Variants in CCT6B observed in about 807,000 individuals in gnomAD.
CCT6B encodes probable T-complex protein 1 subunit zeta-2.
A neutral mutation model predicts 61.5 loss-of-function variants in CCT6B; 49 were observed. The observed-to-expected ratio is 0.80, with a 90% CI of 0.63 to 1.01. The LOEUF (loss-of-function observed/expected upper bound fraction) is 1.01. Among genes scored for constraint, CCT6B ranks in the 50% least tolerant of loss-of-function variants. The pLI, the probability that CCT6B is intolerant of heterozygous loss-of-function variation, is 0.00. For missense variants in CCT6B, 666 were observed against 634.7 expected (o/e 1.05, Z -0.53); for synonymous variants, 228 against 214.5 (o/e 1.06, Z -0.55).
intron 7 of CCT6B, 30 bp from the exon 8 acceptor site, chr17:34,940,651 A>T: frequency 8.3e-7 from 1 of 1,206,302 alleles, no homozygotes; most frequent in Non-Finnish European, 1.2e-6. Flanking sequence ...AAAATTATAA[A>T]CATGTTTTAA....
chr17:34,951,738 A>G (rs2090294016), intron 5 of CCT6B, among the ~76,000 whole-genome samples: 2 of 152,222 alleles, frequency 1.3e-5, no homozygotes, highest in African/African-American at 4.8e-5. Context: ...AAAATCACAC[A>G]CATGATTTTT....
chr17:34,958,517 A>T, intron 3 of CCT6B, 43 bp downstream of exon 3: 1 of 1,289,448 alleles, frequency 7.8e-7, no homozygotes, highest in Non-Finnish European at 1.0e-6. Flanking sequence ...TAAAAAAATA[A>T]TTTGCCATTC....
intron 2 of CCT6B, among the ~76,000 whole-genome samples, chr17:34,959,123 C>CTTTTTT (rs11374610): frequency 9.8e-6 from 1 of 102,538 alleles, no homozygotes; most frequent in African/African-American, 3.8e-5. Flanking sequence ...AAAAAAAAAA[C>CTTTTTT]TTTTTTTTTT....
At position 34,939,186 on chromosome 17, in the gene CCT6B, C is replaced by T. The variant is rs2142147988; in HGVS notation, c.1210G>A (p.Asp404Asn). The change falls in exon 10 of 14, where the codon GAT (aspartate) becomes AAT (asparagine). Residue 404 changes from aspartate (D) to asparagine (N), a missense_variant. Physicochemically the swap from Asp to Asn is conservative, Grantham distance 23. Coordinates refer to ENST00000314144, the MANE Select transcript of CCT6B (RefSeq NM_006584.4). ...TCAATCACAAGAAAGAGCTTACCAT[C>T]TTCAATGGCATTTTTGATAGCACGA... is the stretch of plus-strand genomic sequence containing the variant. Reference protein sequence around the residue: ...GLRAIKNAIEDGCMVPGAGAI... With the variant: ...GLRAIKNAIENGCMVPGAGAI... The T allele has an allele frequency of 6.2e-7, 1 of 1,613,362 alleles. No individual in the cohort carries two copies. Among genetic ancestry groups the T allele is most frequent in the South Asian group, 1.1e-5 (1 of 90,998 alleles).
intron 10 of CCT6B, among the ~76,000 whole-genome samples, chr17:34,935,772 G>A (rs982311153): frequency 2.0e-5 from 3 of 151,812 alleles, no homozygotes; most frequent in Non-Finnish European, 2.9e-5. Flanking sequence ...TAGGAGATTC[G>A]CTTGAACCTG....
At chr17:34,943,622 G>T (rs1216172967) in intron 5 of CCT6B, 1 of 152,086 alleles carries the variant, frequency 6.6e-6, no homozygotes, top group Non-Finnish European at 1.5e-5. Context: ...TGTGGGGTGG[G>T]GGAAGCGGGG....
rs140320014 is a variant in CCT6B at position 34,928,006 on chromosome 17, C to T, written c.*42G>A. On this transcript the variant is annotated 3_prime_UTR_variant, in exon 14 of 14. Transcript: ENST00000314144. ...CAATAGTAGTCAGATGTAAAGTGTA[C>T]TAAATTTCATCTTCTAGAAGGGTTG... 1.5e-4 allele frequency: 218 copies of T among 1,445,364 alleles called. 1 individual carries two copies. In the African/African-American group the frequency reaches 2.6e-3, roughly 17 times the overall value. 89.5% of individuals were successfully genotyped at this position (1,445,364 alleles called of 1,614,324 possible).
intron 1 of CCT6B, 100 bp downstream of exon 1, chr17:34,961,157 G>T: frequency 7.1e-7 from 1 of 1,401,068 alleles, no homozygotes. Flanking sequence ...AATCAAGCTC[G>T]CAAGAACATC....
chr17:34,940,732 G>T, intron 7 of CCT6B, 111 bp from the exon 8 acceptor site: 1 of 460,084 alleles, frequency 2.2e-6, no homozygotes, highest in Non-Finnish European at 3.9e-6. Flanking sequence ...CACCCAAAAA[G>T]CTTTTGTTTA....
At chr17:34,951,631 C>T (rs1246888859) in intron 5 of CCT6B, among the ~76,000 whole-genome samples, 1 of 152,200 alleles carries the variant, frequency 6.6e-6, no homozygotes, top group Non-Finnish European at 1.5e-5. Flanking sequence ...GCTTAGAACC[C>T]TCTTATTCCA....
rs73989531 is a variant in CCT6B at position 34,931,698 on chromosome 17, A to T, written c.1348-647T>A. 7.9e-3 allele frequency among the ~76,000 whole-genome samples: 1,202 copies of T among 152,310 alleles called. 9 individuals are homozygous for T. Among genetic ancestry groups the T allele is most frequent in the African/African-American group, 0.028 (1,163 of 41,554 alleles). Reference sequence around the variant, plus strand: ...AAAATAGCAAATCTAATTCACAAAGATTTCACAAATTATGAAAAATTTTAA... The same window carrying T: ...AAAATAGCAAATCTAATTCACAAAGTTTTCACAAATTATGAAAAATTTTAA... On this transcript the variant is annotated intron_variant, in intron 11 of 13. Transcript: ENST00000314144.
At chr17:34,952,373 G>T (rs979555896) in intron 4 of CCT6B, among the ~76,000 whole-genome samples, 1 of 152,086 alleles carries the variant, frequency 6.6e-6, no homozygotes, top group Non-Finnish European at 1.5e-5. Context: ...AGAATTCAGG[G>T]CTCCCTAACT....
chr17:34,952,028 A>T lies in CCT6B; in HGVS notation c.536T>A (p.Val179Asp). 1 of 1,606,766 alleles carries T rather than the reference A, an allele frequency of 6.2e-7. No homozygotes were observed. The highest frequency in any genetic ancestry group is 8.5e-7 in the Non-Finnish European group (1 of 1,174,102). ...ATCAATAGGGTAACCTGGTCTTCTA[A>T]CAGCCAAAACAGAATCCACCACAAC... ...TEVVVDSVLA[V>D]RRPGYPIDLF... Residue 179 changes from valine (V) to aspartate (D), a missense_variant, in exon 5 of 14, where the codon GTT (valine) becomes GAT (aspartate). Physicochemically the swap from Val to Asp is radical, Grantham distance 152. Transcript: ENST00000314144.
chr17:34,938,141 T>C (rs995346316), intron 10 of CCT6B, among the ~76,000 whole-genome samples: 1 of 152,136 alleles, frequency 6.6e-6, no homozygotes, highest in Non-Finnish European at 1.5e-5. Context: ...CCTCCCATCT[T>C]GGCCTCCCAA....
rs760368013 is a variant in CCT6B at position 34,952,088 on chromosome 17, T to G, written c.511-35A>C. On this transcript the variant is annotated intron_variant, in intron 4 of 13. Coordinates refer to ENST00000314144, the MANE Select transcript of CCT6B (RefSeq NM_006584.4). ...AAATGAATGAGAACAGTTAAGTTAT[T>G]TGGACTACTAAAATAAACCAAGGGC... is the stretch of plus-strand genomic sequence containing the variant. The G allele has an allele frequency of 4.6e-6, 6 of 1,293,882 alleles. No individual in the cohort carries two copies. In the South Asian group the frequency reaches 7.4e-5, roughly 16 times the overall value. 80.2% of individuals were successfully genotyped at this position (1,293,882 alleles called of 1,614,324 possible). A position where few individuals can be genotyped will look rare whatever the true frequency, so the allele number is the denominator to read the frequency against.
chr17:34,960,194 C>G (rs1476421942), intron 1 of CCT6B, among the ~76,000 whole-genome samples: 1 of 152,226 alleles, frequency 6.6e-6, no homozygotes, highest in Non-Finnish European at 1.5e-5. Context: ...GTGATTCAGT[C>G]AGTTCCCTGA....
In CCT6B at chr17:34,938,635, A is replaced by G. The variant is rs537509741; in HGVS notation, c.1213+548T>C. Among the ~76,000 whole-genome samples, 47 of 152,150 alleles carry G rather than the reference A, an allele frequency of 3.1e-4. No individual in the cohort carries two copies. In the South Asian group the frequency reaches 9.2e-3, roughly 30 times the overall value. On this transcript the variant is annotated intron_variant, in intron 10 of 13. Transcript: ENST00000314144. ...AATCCTAGCACTTTGGGAGGCCAAG[A>G]CAAGTGGATCCCTTGAGCCCAGGAG... is the stretch of plus-strand genomic sequence containing the variant.
intron 10 of CCT6B, 96 bp from the exon 11 acceptor site, chr17:34,932,596 T>A: frequency 2.7e-6 from 3 of 1,129,684 alleles, no homozygotes; most frequent in Non-Finnish European, 3.7e-6. Flanking sequence ...GTATGTTCTA[T>A]TATCTACAGA....
chr17:34,949,095 G>GGAAGGGAAAAGAAAA, intron 5 of CCT6B, among the ~76,000 whole-genome samples: 1 of 86,280 alleles, frequency 1.2e-5, no homozygotes, highest in Non-Finnish European at 2.2e-5. Context: ...GGGAGGGGAG[G>GGAAGGGAAAAGAAAA]GAAAAGAAAA....
Sources: allele counts gnomAD v4.1 joint callset (sites outside exome capture counted in the v4.1 genomes callset), GRCh38; gene constraint gnomAD v4.1.1; transcripts MANE v1.5; gene names NCBI Gene and HGNC (gene_info 2026-07-23, HGNC 2026-07-21).